ZFHX3: variants seen among roughly 807,000 people sequenced by gnomAD.
ZFHX3 encodes zinc finger homeobox protein 3.
Under a neutral mutation model 279.1 loss-of-function variants are expected in ZFHX3, and 42 were observed. That is an observed-to-expected ratio of 0.15 (90% CI 0.12 to 0.19). The LOEUF is 0.19. Ranked by LOEUF, ZFHX3 falls within the 10% of genes least tolerant of loss-of-function variation. The probability of loss-of-function intolerance (pLI) is 1.00; values close to 1 mark genes in which losing one functional copy is unlikely to be tolerated. For synonymous variants in ZFHX3, 2,293 were observed against 1,957.8 expected, an observed-to-expected ratio of 1.17 and a Z score of -4.52; for missense variants, 4,981 against 4,754.0, an observed-to-expected ratio of 1.05 and a Z score of -1.40.
chr16:73,633,662 T>C (rs968663246), intron 2 of ZFHX3, among the ~76,000 whole-genome samples: 1 of 152,224 alleles, frequency 6.6e-6, no homozygotes, highest in Admixed American at 6.5e-5. Flanking sequence ...CTAGTGCCTG[T>C]GATTGTGGCG....
At chr16:73,501,643 G>C (rs1342460647) in intron 2 of ZFHX3, among the ~76,000 whole-genome samples, 2 of 152,150 alleles carry the variant, frequency 1.3e-5, no homozygotes, top group African/African-American at 4.8e-5. Context: ...GAAGAATTCC[G>C]CTGAAGACAC....
At chr16:73,068,203 G>A (rs1029257651) in intron 8 of ZFHX3, among the ~76,000 whole-genome samples, 7 of 152,224 alleles carry the variant, frequency 4.6e-5, no homozygotes, top group African/African-American at 1.7e-4. Context: ...CAGCTATTAA[G>A]TGGCTCAGCT....
rs2035277922 is a variant in ZFHX3 at position 72,784,662 on chromosome 16, T to C, written c.*2502A>G. 1 of 152,478 alleles carries C rather than the reference T, an allele frequency of 6.6e-6. No homozygotes were observed. The highest frequency in any genetic ancestry group is 2.4e-5 in the African/African-American group (1 of 41,438). The allele number at this position is 152,478 out of a possible 1,614,324, so 9.4% of individuals were successfully genotyped here. On this transcript the variant is annotated 3_prime_UTR_variant, in exon 10 of 10. Transcript: ENST00000268489. ...CAAACACAGGAAGAAATACAAGATT[T>C]CTTGTTAAAAGGAAATAGCTTGTTA... is the stretch of plus-strand genomic sequence containing the variant.
intron 1 of ZFHX3, among the ~76,000 whole-genome samples, chr16:73,735,980 T>G (rs2053606903): frequency 6.6e-6 from 1 of 151,240 alleles, no homozygotes; most frequent in Non-Finnish European, 1.5e-5. Context: ...TACATGTTAT[T>G]GGGGATCTCC....
At chr16:73,559,404 C>T (rs977615791) in intron 2 of ZFHX3, among the ~76,000 whole-genome samples, 1 of 152,146 alleles carries the variant, frequency 6.6e-6, no homozygotes, top group Non-Finnish European at 1.5e-5. Flanking sequence ...CTGAAAGACA[C>T]TGCGTTTAGG....
chr16:73,801,434 A>G (rs1370268999), intron 1 of ZFHX3, among the ~76,000 whole-genome samples: 2 of 152,208 alleles, frequency 1.3e-5, no homozygotes, highest in Non-Finnish European at 2.9e-5. Flanking sequence ...TTCCTCTGAT[A>G]GCTACTGGTC....
At chr16:73,117,799 T>C (rs1300249386) in intron 7 of ZFHX3, among the ~76,000 whole-genome samples, 1 of 152,134 alleles carries the variant, frequency 6.6e-6, no homozygotes, top group African/African-American at 2.4e-5. Context: ...ATTAGTGCCC[T>C]TATAAAAAAG....
chr16:73,183,283 C>T (rs1967841321), intron 5 of ZFHX3, among the ~76,000 whole-genome samples: 1 of 152,180 alleles, frequency 6.6e-6, no homozygotes, highest in South Asian at 2.1e-4. Flanking sequence ...CAGACTTCAT[C>T]ACTGTGTGAT....
At chr16:73,623,853 T>C (rs2052391471) in intron 2 of ZFHX3, among the ~76,000 whole-genome samples, 1 of 152,208 alleles carries the variant, frequency 6.6e-6, no homozygotes, top group African/African-American at 2.4e-5. Flanking sequence ...TTGCACTTTA[T>C]TTCCCCCTTA....
At chr16:73,573,319 A>G (rs2051761195) in intron 2 of ZFHX3, among the ~76,000 whole-genome samples, 1 of 152,188 alleles carries the variant, frequency 6.6e-6, no homozygotes, top group Non-Finnish European at 1.5e-5. Flanking sequence ...AGTTAACCTG[A>G]GGAGGACCTG....
intron 1 of ZFHX3, among the ~76,000 whole-genome samples, chr16:73,037,259 A>G (rs1329807628): frequency 6.6e-6 from 1 of 152,196 alleles, no homozygotes; most frequent in Non-Finnish European, 1.5e-5. Context: ...TCCGGTTGCT[A>G]TTCAAATGCA....
intron 5 of ZFHX3, among the ~76,000 whole-genome samples, chr16:73,159,016 C>G (rs1373420109): frequency 3.3e-5 from 5 of 152,176 alleles, no homozygotes; most frequent in Non-Finnish European, 7.3e-5. Context: ...GACATAGGAA[C>G]AGGCAAAGAT....
At chr16:73,022,165 TTCTC>T (rs911704922) in intron 1 of ZFHX3, among the ~76,000 whole-genome samples, 1 of 152,096 alleles carries the variant, frequency 6.6e-6, no homozygotes, top group African/African-American at 2.4e-5. Flanking sequence ...AGACAAGCAT[TTCTC>T]TCTTTTTTTG....
intron 4 of ZFHX3, among the ~76,000 whole-genome samples, chr16:73,270,025 G>T (rs1159584409): frequency 6.6e-6 from 1 of 152,108 alleles, no homozygotes; most frequent in African/African-American, 2.4e-5. Flanking sequence ...TGGGATTACA[G>T]GTACGAGCCA....
chr16:73,057,806 G>A (rs570627166), intron 1 of ZFHX3, among the ~76,000 whole-genome samples: 1 of 150,840 alleles, frequency 6.6e-6, no homozygotes, highest in African/African-American at 2.4e-5. Flanking sequence ...GGCTCCGAAC[G>A]GGCTCCCGCG....
intron 2 of ZFHX3, among the ~76,000 whole-genome samples, chr16:73,597,433 T>A (rs190646498): frequency 1.3e-5 from 2 of 152,350 alleles, no homozygotes; most frequent in East Asian, 3.9e-4. Context: ...GGTTGAATAG[T>A]GTCCCACTAA....
At chr16:73,800,548 C>T (rs1339899788) in intron 1 of ZFHX3, among the ~76,000 whole-genome samples, 1 of 151,988 alleles carries the variant, frequency 6.6e-6, no homozygotes, top group Non-Finnish European at 1.5e-5. Flanking sequence ...GCTTTTTCTT[C>T]TTCTTCCTCC....
At chr16:73,738,678 G>A (rs372465514) in intron 1 of ZFHX3, among the ~76,000 whole-genome samples, 17 of 152,274 alleles carry the variant, frequency 1.1e-4, no homozygotes, top group Admixed American at 5.9e-4. Context: ...CAGACATAAT[G>A]TAGAACTCTC....
intron 8 of ZFHX3, among the ~76,000 whole-genome samples, chr16:73,088,788 C>T (rs1720233517): frequency 6.6e-6 from 1 of 152,162 alleles, no homozygotes; most frequent in Non-Finnish European, 1.5e-5. Flanking sequence ...GACAGGAGCT[C>T]ATCTTATCAC....
Sources: gnomAD v4.1 joint callset for allele counts (sites outside exome capture counted in the v4.1 genomes callset) on GRCh38, gnomAD v4.1.1 for gene constraint, MANE v1.5 for transcripts, NCBI Gene and HGNC (gene_info 2026-07-23, HGNC 2026-07-21) for gene names.